Variants in WNT6 observed in about 807,000 individuals in gnomAD.
WNT6 encodes protein Wnt-6.
A neutral mutation model predicts 33.1 loss-of-function variants in WNT6; 27 were observed. That is an observed-to-expected ratio of 0.82 (90% CI 0.60 to 1.12). WNT6 has a LOEUF of 1.12. WNT6 is among the 50% of genes most tolerant of loss of function. WNT6 has a pLI of 0.00. For missense variants in WNT6, 494 were observed against 535.3 expected (o/e 0.92, Z 0.76); for synonymous variants, 249 against 242.8 (o/e 1.03, Z -0.24).
At chr2:218,872,410 A>G (rs1179753237) in intron 3 of WNT6, among the ~76,000 whole-genome samples, 3 of 152,154 alleles carry the variant, frequency 2.0e-5, no homozygotes, top group Non-Finnish European at 4.4e-5. Flanking sequence ...GCTGTGACCA[A>G]TTCTGGGCAT....
At position 218,867,917 on chromosome 2, in the gene WNT6, A is replaced by C. The variant is rs917720794; in HGVS notation, c.81-3110A>C. ...GTTTTTCTGAAGCCCACAAAGGGGA[A>C]TGACTTGATCAGAGTGGCTCAGCCC... On this transcript the variant is annotated intron_variant, in intron 1 of 3. Coordinates refer to ENST00000233948, the MANE Select transcript of WNT6 (RefSeq NM_006522.4). This position sits in a 1 kb window ranked among gnomAD's most constrained non-coding sequence, Gnocchi z 4.9. Among the ~76,000 whole-genome samples, 2 of 152,230 alleles carry C rather than the reference A, an allele frequency of 1.3e-5. No homozygotes were observed. Among genetic ancestry groups the C allele is most frequent in the African/African-American group, 4.8e-5 (2 of 41,468 alleles).
chr2:218,873,774 C>T lies in WNT6; in HGVS notation c.1027C>T (p.Arg343Cys), dbSNP rs1246249807. 1 of 1,587,108 alleles carries T rather than the reference C, an allele frequency of 6.3e-7. No individual in the cohort carries two copies. Among genetic ancestry groups the T allele is most frequent in the East Asian group, 2.3e-5 (1 of 43,554 alleles). ...SVQLEENCLC[R>C]FHWCCVVQCH... Reference sequence around the variant, plus strand: ...GCAGCTCGAAGAGAACTGCCTGTGCCGCTTCCACTGGTGCTGCGTAGTACA... The same window carrying T: ...GCAGCTCGAAGAGAACTGCCTGTGCTGCTTCCACTGGTGCTGCGTAGTACA... Residue 343 changes from arginine (R) to cysteine (C), a missense_variant, in exon 4 of 4, where the codon CGC becomes TGC. Arg to Cys is a radical substitution (Grantham distance 180). Coordinates refer to ENST00000233948, the MANE Select transcript of WNT6 (RefSeq NM_006522.4). The surrounding 1 kb of genome is among the most constrained non-coding windows in gnomAD (Gnocchi z 6.1).
chr2:218,869,826 C>T (rs1575224967), intron 1 of WNT6, among the ~76,000 whole-genome samples: 1 of 152,152 alleles, frequency 6.6e-6, no homozygotes, highest in Non-Finnish European at 1.5e-5. Context: ...TGAGACTTCC[C>T]GTGAAGTCTT....
chr2:218,860,286 C>G (rs565576751), intron 1 of WNT6, among the ~76,000 whole-genome samples, 169 bp downstream of exon 1: 4 of 152,194 alleles, frequency 2.6e-5, no homozygotes, highest in Non-Finnish European at 5.9e-5. Context: ...TCCTAACCCT[C>G]GGGAACATTC....
chr2:218,873,362 T>C lies in WNT6; in HGVS notation c.637-22T>C. On this transcript the variant is annotated intron_variant, in intron 3 of 3. Coordinates refer to ENST00000233948, the MANE Select transcript of WNT6 (RefSeq NM_006522.4). The surrounding 1 kb of genome is among the most constrained non-coding windows in gnomAD (Gnocchi z 6.1). ...TGCACCCCCTACCTGTCCACATGCG[T>C]CCGCCCCTCTGCCTCCCGCAGGCCG... The C allele has an allele frequency of 6.5e-7, 1 of 1,530,268 alleles. No homozygotes were observed. The allele number at this position is 1,530,268 out of a possible 1,614,324, so 94.8% of individuals were successfully genotyped here.
In WNT6 at chr2:218,867,562, G is replaced by A. The variant is rs973351001; in HGVS notation, c.81-3465G>A. ...TCCATTGCCTTGTCCCTTCTTGTCCGCATACTGATTTCTTTTAGGGCTAGC... is the reference window on the plus strand; with the variant it reads ...TCCATTGCCTTGTCCCTTCTTGTCCACATACTGATTTCTTTTAGGGCTAGC... On this transcript the variant is annotated intron_variant, in intron 1 of 3. Coordinates refer to ENST00000233948, the MANE Select transcript of WNT6 (RefSeq NM_006522.4). The surrounding 1 kb of genome is among the most constrained non-coding windows in gnomAD (Gnocchi z 4.9). Among the ~76,000 whole-genome samples the A allele has an allele frequency of 1.2e-4, 18 of 152,200 alleles. No individual in the cohort carries two copies. The highest frequency in any genetic ancestry group is 2.4e-5 in the African/African-American group (1 of 41,448).
chr2:218,871,019 C>T lies in WNT6; in HGVS notation c.81-8C>T. ...TACACCCCTGACCTGCTATTCTCTGCTTTCCAGGGCTGTGGGCAGCCCCTT... is the reference window on the plus strand; with the variant it reads ...TACACCCCTGACCTGCTATTCTCTGTTTTCCAGGGCTGTGGGCAGCCCCTT... On this transcript the variant is annotated splice_region_variant and splice_polypyrimidine_tract_variant and intron_variant, in intron 1 of 3. Transcript: ENST00000233948. This position sits in a 1 kb window ranked among gnomAD's most constrained non-coding sequence, Gnocchi z 6.4. 3 of 1,593,090 alleles carry T rather than the reference C, an allele frequency of 1.9e-6. No homozygotes were observed. The highest frequency in any genetic ancestry group is 2.6e-6 in the Non-Finnish European group (3 of 1,166,072).
At chr2:218,862,779 C>T (rs1474409856) in intron 1 of WNT6, among the ~76,000 whole-genome samples, 1 of 152,108 alleles carries the variant, frequency 6.6e-6, no homozygotes, top group African/African-American at 2.4e-5. Flanking sequence ...AATATTGGCT[C>T]ACTACAACCT....
intron 1 of WNT6, among the ~76,000 whole-genome samples, chr2:218,865,729 A>G (rs918598469): frequency 1.3e-5 from 2 of 152,188 alleles, no homozygotes; most frequent in Middle Eastern, 3.4e-3. Flanking sequence ...CCCCACCCCA[A>G]TATGGGCGAG....
At chr2:218,869,692 G>C (rs946619333) in intron 1 of WNT6, among the ~76,000 whole-genome samples, 1 of 152,196 alleles carries the variant, frequency 6.6e-6, no homozygotes, top group Non-Finnish European at 1.5e-5. Context: ...TCTGATGAGA[G>C]CAGTTCCCCC....
In WNT6 at chr2:218,873,010, G is replaced by C. The variant is rs1425783146; in HGVS notation, c.637-374G>C. Among the ~76,000 whole-genome samples, 1 of 152,038 alleles carries C rather than the reference G, an allele frequency of 6.6e-6. No homozygotes were observed. The highest frequency in any genetic ancestry group is 1.5e-5 in the Non-Finnish European group (1 of 67,994). On this transcript the variant is annotated intron_variant, in intron 3 of 3. Coordinates refer to ENST00000233948, the MANE Select transcript of WNT6 (RefSeq NM_006522.4). The surrounding 1 kb of genome is among the most constrained non-coding windows in gnomAD (Gnocchi z 6.1). The stretch of plus-strand genomic sequence containing the variant: ...GGCCGTGAGGGGTAGGAATGAGGGG[G>C]CCAGGTAGGCAGGAGAGCTAGACTT...
rs1321166448 is a variant in WNT6 at position 218,873,459 on chromosome 2, C to T, written c.712C>T (p.Gln238Ter). The T allele has an allele frequency of 6.5e-7, 1 of 1,538,848 alleles. No individual in the cohort carries two copies. The highest frequency in any genetic ancestry group is 1.2e-5 in the South Asian group (1 of 84,038). ...SGSCALRTCW[Q>*]KLPPFREVGA... ...ATCATGCGCGCTGCGCACCTGCTGG[C>T]AGAAGCTGCCTCCATTTCGCGAGGT... The change falls in exon 4 of 4, where the codon CAG (glutamine) becomes TAG (stop). Residue 238 changes from glutamine (Q) to a stop codon, truncating the protein, a stop_gained. Transcript: ENST00000233948. LOFTEE classifies it high-confidence loss of function. The surrounding 1 kb of genome is among the most constrained non-coding windows in gnomAD (Gnocchi z 6.1).
chr2:218,864,716 C>T (rs980159033), intron 1 of WNT6, among the ~76,000 whole-genome samples: 1 of 152,168 alleles, frequency 6.6e-6, no homozygotes, highest in Non-Finnish European at 1.5e-5. Context: ...CCTAGGACAG[C>T]CTCATCTGGC....
chr2:218,872,233 A>G (rs1944409026), intron 3 of WNT6, among the ~76,000 whole-genome samples: 1 of 152,154 alleles, frequency 6.6e-6, no homozygotes, highest in Non-Finnish European at 1.5e-5. Flanking sequence ...GGGATGAAAG[A>G]CAGGATAGAA....
At chr2:218,868,783 A>T (rs1035376393) in intron 1 of WNT6, among the ~76,000 whole-genome samples, 6 of 152,144 alleles carry the variant, frequency 3.9e-5, no homozygotes, top group Non-Finnish European at 8.8e-5. Flanking sequence ...ATACTATGCA[A>T]TTTTTTGTAA....
intron 3 of WNT6, among the ~76,000 whole-genome samples, chr2:218,872,132 C>T (rs1944408210): frequency 6.6e-6 from 1 of 151,998 alleles, no homozygotes; most frequent in Non-Finnish European, 1.5e-5. Flanking sequence ...GCAGAGAGGG[C>T]ACAGCTTCAA....
At position 218,871,183 on chromosome 2, in the gene WNT6, G is replaced by C; in HGVS notation, c.237G>C (p.Gln79His). 6.2e-7 allele frequency: 1 copy of C among 1,613,668 alleles called. No individual in the cohort carries two copies. Among genetic ancestry groups the C allele is most frequent in the Non-Finnish European group, 8.5e-7 (1 of 1,179,928 alleles). The change falls in exon 2 of 4, where the codon CAG becomes CAC. Residue 79 changes from glutamine to histidine, a missense_variant. Transcript: ENST00000233948. The surrounding 1 kb of genome is among the most constrained non-coding windows in gnomAD (Gnocchi z 6.4). ...ARLGVRECQFQFRFRRWNCSS... is the reference protein window; with the variant it reads ...ARLGVRECQFHFRFRRWNCSS... ...TCGGGGTGCGAGAGTGCCAGTTCCA[G>C]TTCCGCTTCCGCCGCTGGAATTGCT...
chr2:218,872,761 C>T (rs1277304479), intron 3 of WNT6, among the ~76,000 whole-genome samples: 1 of 152,148 alleles, frequency 6.6e-6, no homozygotes, highest in Non-Finnish European at 1.5e-5. Context: ...GCATTCCCAG[C>T]GGGCCCTCCT....
intron 1 of WNT6, among the ~76,000 whole-genome samples, chr2:218,869,066 C>T (rs556778920): frequency 1.3e-5 from 2 of 152,102 alleles, no homozygotes; most frequent in South Asian, 2.1e-4. Context: ...CATTGCTTTA[C>T]TTATCTAGGC....
Sources: allele counts gnomAD v4.1 joint callset (sites outside exome capture counted in the v4.1 genomes callset), GRCh38; gene constraint gnomAD v4.1.1; non-coding constraint Gnocchi (gnomAD v3.1); transcripts MANE v1.5; gene names NCBI Gene and HGNC (gene_info 2026-07-23, HGNC 2026-07-21).